SEPTIN10: variants seen among roughly 807,000 people sequenced by gnomAD.
The protein encoded by SEPTIN10 is septin 10.
SEPTIN10 carries 66 observed loss-of-function variants against 54.8 expected under a neutral mutation model. That is an observed-to-expected ratio of 1.21 (90% confidence interval 0.99 to 1.48). The LOEUF is 1.48. SEPTIN10 is among the 40% of genes most tolerant of loss of function. The pLI is 0.00. For missense variants in SEPTIN10, 620 were observed against 545.6 expected (o/e 1.14, Z -1.36); for synonymous variants, 161 against 181.0 (o/e 0.89, Z 0.89).
chr2:109,557,819 C>G (rs1448409615), intron 8 of SEPTIN10, among the ~76,000 whole-genome samples: 2 of 150,968 alleles, frequency 1.3e-5, no homozygotes, highest in Non-Finnish European at 2.9e-5. Context: ...ATTCCCTTTT[C>G]TAGCATAAAA....
At chr2:109,564,555 A>G in intron 7 of SEPTIN10, 21 bp from the exon 8 acceptor site, 1 of 1,472,618 alleles carries the variant, frequency 6.8e-7, no homozygotes, top group South Asian at 1.5e-5. Flanking sequence ...AAAAATAAGA[A>G]AAGAACAACA....
intron 8 of SEPTIN10, among the ~76,000 whole-genome samples, chr2:109,557,016 T>C (rs1374857260): frequency 2.0e-5 from 3 of 151,974 alleles, no homozygotes; most frequent in Non-Finnish European, 4.4e-5. Flanking sequence ...CACCGGAGCC[T>C]GTTGTGGGGT....
Position 109,613,935 on chromosome 2 carries a change from C to T in SEPTIN10, c.-108G>A. 8.3e-7 allele frequency: 1 copy of T among 1,199,842 alleles called. No individual in the cohort carries two copies. Among genetic ancestry groups the T allele is most frequent in the South Asian group, 4.1e-5 (1 of 24,186 alleles). The allele number at this position is 1,199,842 out of a possible 1,614,324, so 74.3% of individuals were successfully genotyped here. A position where few individuals can be genotyped will look rare whatever the true frequency, so the allele number is the denominator to read the frequency against. ...GAGGGCAGAAGCAACGGGCGGGGCG[C>T]GAGGCTAGGCTGCCTCCGCGACGGG... On this transcript the variant is annotated 5_prime_UTR_variant, in exon 1 of 11. Coordinates refer to ENST00000397712, the MANE Select transcript of SEPTIN10 (RefSeq NM_144710.5).
chr2:109,591,846 G>A (rs949356166), intron 2 of SEPTIN10, among the ~76,000 whole-genome samples: 1 of 151,934 alleles, frequency 6.6e-6, no homozygotes, highest in African/African-American at 2.4e-5. Flanking sequence ...TGAGTGAGCC[G>A]AGATTGCACC....
At chr2:109,554,371 T>C (rs1007925605) in intron 8 of SEPTIN10, among the ~76,000 whole-genome samples, 7 of 152,234 alleles carry the variant, frequency 4.6e-5, no homozygotes, top group African/African-American at 1.7e-4. Context: ...ACAATACATT[T>C]TTATGTTACA....
intron 8 of SEPTIN10, among the ~76,000 whole-genome samples, chr2:109,562,169 T>A (rs183400175): frequency 6.6e-6 from 1 of 151,998 alleles, no homozygotes; most frequent in African/African-American, 2.4e-5. Flanking sequence ...GCAGAGATCA[T>A]GCCACTGAAC....
rs545226230 is a variant in SEPTIN10, at chr2:109,612,945, T to C, written c.30+853A>G. On this transcript the variant is annotated intron_variant, in intron 1 of 10. Coordinates refer to ENST00000397712, the MANE Select transcript of SEPTIN10 (RefSeq NM_144710.5). ...CAATTTAAACTTCTCATGTAGGAGGTTGCTTAGTAGAGTGGTTCTCAAACT... is the reference window on the plus strand; with the variant it reads ...CAATTTAAACTTCTCATGTAGGAGGCTGCTTAGTAGAGTGGTTCTCAAACT... 1.9e-3 allele frequency among the ~76,000 whole-genome samples: 292 copies of C among 151,970 alleles called. 1 individual carries two copies. The highest frequency in any genetic ancestry group is 6.4e-3 in the African/African-American group (267 of 41,424).
At position 109,585,759 on chromosome 2, in the gene SEPTIN10, G is replaced by A; in HGVS notation, c.179C>T (p.Ser60Phe). ...ATTAAAGCAGAAACCTTGCTGAATG[G>A]ATCTGTTCACCAGCTGATCAGGCAA... Reference protein sequence around the residue: ...ESLPDQLVNRSIQQGFCFNIL... With the variant: ...ESLPDQLVNRFIQQGFCFNIL... Residue 60 changes from serine to phenylalanine, a missense_variant, in exon 3 of 11, where the codon TCC becomes TTC. Transcript: ENST00000397712. 1.2e-6 allele frequency: 2 copies of A among 1,613,460 alleles called. No homozygotes were observed. The highest frequency in any genetic ancestry group is 1.7e-6 in the Non-Finnish European group (2 of 1,179,756).
intron 1 of SEPTIN10, among the ~76,000 whole-genome samples, chr2:109,593,452 C>CTGGA (rs974502994): frequency 2.8e-5 from 4 of 145,044 alleles, no homozygotes; most frequent in Non-Finnish European, 6.0e-5. Context: ...GTCACCCAGA[C>CTGGA]TGGAGTGCAA....
intron 9 of SEPTIN10, among the ~76,000 whole-genome samples, chr2:109,551,316 T>G (rs1682905304): frequency 6.6e-6 from 1 of 152,264 alleles, no homozygotes; most frequent in African/African-American, 2.4e-5. Context: ...AACAGTCCTT[T>G]AATATAGAAT....
intron 9 of SEPTIN10, among the ~76,000 whole-genome samples, chr2:109,550,804 C>T (rs28721931): frequency 0.017 from 2,530 of 152,230 alleles, 67 homozygotes; most frequent in African/African-American, 0.057. Context: ...ACCCCTTCTT[C>T]GTACCCTGTA....
intron 8 of SEPTIN10, among the ~76,000 whole-genome samples, chr2:109,555,753 A>G (rs1259304611): frequency 1.3e-5 from 2 of 152,192 alleles, no homozygotes; most frequent in Non-Finnish European, 2.9e-5. Context: ...TTTCTACCCA[A>G]TAAATACAAA....
chr2:109,554,647 C>T (rs1192675115), intron 8 of SEPTIN10, among the ~76,000 whole-genome samples: 5 of 152,168 alleles, frequency 3.3e-5, no homozygotes, highest in African/African-American at 7.2e-5. Context: ...CAGACAGTGG[C>T]CATCGCCGGG....
intron 1 of SEPTIN10, among the ~76,000 whole-genome samples, chr2:109,610,981 A>C (rs74618234): frequency 0.026 from 3,916 of 152,332 alleles, 63 homozygotes; most frequent in South Asian, 0.074. Flanking sequence ...CAGCTACAGG[A>C]ATCAAGACTG....
At chr2:109,549,721 C>A (rs1682366655) in intron 9 of SEPTIN10, among the ~76,000 whole-genome samples, 1 of 152,092 alleles carries the variant, frequency 6.6e-6, no homozygotes, top group African/African-American at 2.4e-5. Context: ...ACAGGTAGTA[C>A]CATACCCTAT....
chr2:109,574,899 C>A, intron 4 of SEPTIN10, 132 bp from the exon 5 acceptor site: 1 of 524,120 alleles, frequency 1.9e-6, no homozygotes, highest in Non-Finnish European at 3.0e-6. Flanking sequence ...AACAGATTAA[C>A]TTTAGTGATA....
chr2:109,582,459 A>G (rs1691418219), intron 4 of SEPTIN10, among the ~76,000 whole-genome samples: 1 of 152,116 alleles, frequency 6.6e-6, no homozygotes, highest in Non-Finnish European at 1.5e-5. Context: ...AGCTGGCAGT[A>G]TAGGTGCCCA....
intron 9 of SEPTIN10, among the ~76,000 whole-genome samples, chr2:109,548,648 C>T (rs1480184087): frequency 1.3e-5 from 2 of 151,798 alleles, no homozygotes; most frequent in African/African-American, 2.4e-5. Context: ...TGGCAGTGTG[C>T]GCCTGTAGTC....
intron 8 of SEPTIN10, among the ~76,000 whole-genome samples, chr2:109,555,235 T>C (rs1319356585): frequency 6.6e-6 from 1 of 152,216 alleles, no homozygotes; most frequent in Non-Finnish European, 1.5e-5. Flanking sequence ...CAAGAAACTT[T>C]ATAATCTCTG....
Sources: gnomAD v4.1 joint callset for allele counts (sites outside exome capture counted in the v4.1 genomes callset) on GRCh38, gnomAD v4.1.1 for gene constraint, MANE v1.5 for transcripts, NCBI Gene and HGNC (gene_info 2026-07-23, HGNC 2026-07-21) for gene names.